ASIC2: variants seen among roughly 807,000 people sequenced by gnomAD.
ASIC2 encodes acid-sensing ion channel 2.
Under a neutral mutation model 57.3 loss-of-function variants are expected in ASIC2, and 25 were observed. The observed-to-expected ratio is 0.44, with a 90% CI of 0.32 to 0.61. The LOEUF (loss-of-function observed/expected upper bound fraction) is 0.61, where lower values mean the gene tolerates loss of function less well. Among genes scored for constraint, ASIC2 ranks in the 20% least tolerant of loss-of-function variants. ASIC2 has a pLI of 0.06. For synonymous variants in ASIC2, 319 were observed against 307.5 expected (o/e 1.04, Z -0.39); for missense variants, 641 against 738.1 (o/e 0.87, Z 1.52).
At chr17:33,389,282 G>T (rs935342363) in intron 1 of ASIC2, among the ~76,000 whole-genome samples, 2 of 152,124 alleles carry the variant, frequency 1.3e-5, no homozygotes, top group Non-Finnish European at 2.9e-5. Flanking sequence ...TTAACTGCAC[G>T]CAAACAGATG....
chr17:34,049,684 T>G (rs1212707438), intron 1 of ASIC2, among the ~76,000 whole-genome samples: 1 of 152,216 alleles, frequency 6.6e-6, no homozygotes, highest in Non-Finnish European at 1.5e-5. Context: ...CTGCATGATA[T>G]AAAACATGCA....
At chr17:33,306,533 C>T (rs1392678568) in intron 1 of ASIC2, among the ~76,000 whole-genome samples, 1 of 152,118 alleles carries the variant, frequency 6.6e-6, no homozygotes, top group African/African-American at 2.4e-5. Flanking sequence ...TTGGACTTAT[C>T]CTCAACTAAG....
intron 1 of ASIC2, among the ~76,000 whole-genome samples, chr17:33,120,881 A>G (rs2092299762): frequency 6.6e-6 from 1 of 152,112 alleles, no homozygotes; most frequent in African/African-American, 2.4e-5. Context: ...GTTTGGGTGA[A>G]GGAAAAAAAG....
chr17:34,099,820 T>C (rs1910794192), intron 1 of ASIC2, among the ~76,000 whole-genome samples: 1 of 151,704 alleles, frequency 6.6e-6, no homozygotes, highest in Non-Finnish European at 1.5e-5. Context: ...AATCTCATAG[T>C]ATTCCGAAGG....
At chr17:33,134,228 A>C (rs2092358861) in intron 1 of ASIC2, among the ~76,000 whole-genome samples, 1 of 152,250 alleles carries the variant, frequency 6.6e-6, no homozygotes, top group Admixed American at 6.5e-5. Flanking sequence ...CAAGCTCAGA[A>C]AGGTTAAGTC....
chr17:33,770,314 C>T (rs921771436), intron 1 of ASIC2, among the ~76,000 whole-genome samples: 2 of 152,184 alleles, frequency 1.3e-5, no homozygotes, highest in African/African-American at 2.4e-5. Flanking sequence ...CTCCCTGACC[C>T]CTAGTGTCTT....
chr17:34,099,309 GAA>G, intron 1 of ASIC2, among the ~76,000 whole-genome samples: 1 of 139,066 alleles, frequency 7.2e-6, no homozygotes, highest in African/African-American at 2.7e-5. Flanking sequence ...GAAAGAGAAA[GAA>G]AGAAAGGAAA....
At chr17:33,767,079 A>G (rs764138558) in intron 1 of ASIC2, among the ~76,000 whole-genome samples, 2 of 152,234 alleles carry the variant, frequency 1.3e-5, no homozygotes, top group Non-Finnish European at 2.9e-5. Context: ...GTAGCAGATC[A>G]GTGTGTGCGA....
intron 1 of ASIC2, among the ~76,000 whole-genome samples, chr17:33,979,317 A>G (rs2142003070): frequency 6.6e-6 from 1 of 152,188 alleles, no homozygotes; most frequent in African/African-American, 2.4e-5. Context: ...CATGCCTACC[A>G]CTGGGTCATA....
At chr17:34,087,886 T>C (rs944510734) in intron 1 of ASIC2, among the ~76,000 whole-genome samples, 2 of 152,232 alleles carry the variant, frequency 1.3e-5, no homozygotes, top group Non-Finnish European at 2.9e-5. Flanking sequence ...GGCTTTCAGC[T>C]CCATCAGCTC....
intron 1 of ASIC2, among the ~76,000 whole-genome samples, chr17:33,933,062 C>T (rs1597936622): frequency 6.6e-6 from 1 of 152,292 alleles, no homozygotes; most frequent in Admixed American, 6.5e-5. Context: ...ACAGGCTGGT[C>T]CATGTCCTCC....
intron 1 of ASIC2, among the ~76,000 whole-genome samples, chr17:34,026,916 T>C (rs1202373281): frequency 6.6e-6 from 1 of 152,232 alleles, no homozygotes; most frequent in Non-Finnish European, 1.5e-5. Flanking sequence ...CAGCAACTCC[T>C]TTCTTTCTAT....
At chr17:33,300,060 T>C (rs1362729783) in intron 1 of ASIC2, among the ~76,000 whole-genome samples, 2 of 152,102 alleles carry the variant, frequency 1.3e-5, no homozygotes, top group Non-Finnish European at 2.9e-5. Context: ...GGTAACATAT[T>C]CACATGTTTC....
intron 1 of ASIC2, among the ~76,000 whole-genome samples, chr17:33,186,308 AC>A: frequency 6.6e-6 from 1 of 152,052 alleles, no homozygotes; most frequent in Non-Finnish European, 1.5e-5. Flanking sequence ...ATGGGGTTTC[AC>A]CATGTTGTCC....
chr17:33,959,943 T>C (rs767316744), intron 1 of ASIC2, among the ~76,000 whole-genome samples: 5 of 152,210 alleles, frequency 3.3e-5, no homozygotes, highest in African/African-American at 4.8e-5. Context: ...GAGCCCAATG[T>C]CTCCTTTTTG....
At chr17:33,118,589 A>G (rs988306987) in intron 1 of ASIC2, among the ~76,000 whole-genome samples, 26 of 152,108 alleles carry the variant, frequency 1.7e-4, no homozygotes, top group African/African-American at 6.3e-4. Flanking sequence ...CCCACCTGGT[A>G]GTGGGGGAGG....
chr17:33,569,726 A>G (rs948349945), intron 1 of ASIC2, among the ~76,000 whole-genome samples: 4 of 152,116 alleles, frequency 2.6e-5, no homozygotes, highest in Non-Finnish European at 5.9e-5. Context: ...TCATCCATCC[A>G]TCTATCCATC....
chr17:33,459,240 A>T lies in ASIC2; in HGVS notation c.556-347173T>A, dbSNP rs145256590. Among the ~76,000 whole-genome samples, 740 of 152,030 alleles carry T rather than the reference A, an allele frequency of 4.9e-3. 4 individuals are homozygous for T. Among genetic ancestry groups the T allele is most frequent in the Admixed American group, 7.5e-3 (114 of 15,272 alleles). The stretch of plus-strand genomic sequence containing the variant: ...GTGATTCATCACCTGCTACCTGTCC[A>T]CGACGGGGTCGGTCTGTGCTCTTGC... On this transcript the variant is annotated intron_variant, in intron 1 of 9. Coordinates refer to the ASIC2 transcript ENST00000359872.
chr17:33,830,429 GT>G lies in ASIC2; in HGVS notation c.555+325548del, dbSNP rs371989892. Among the ~76,000 whole-genome samples, 1,083 of 152,194 alleles carry G rather than the reference GT, an allele frequency of 7.1e-3. 13 individuals carry two copies. The highest frequency in any genetic ancestry group is 0.025 in the African/African-American group (1,043 of 41,510). On this transcript the variant is annotated intron_variant, in intron 1 of 9. Transcript: ENST00000359872. ...TAGCGGGATGGGGAGATCAGTCCCA[GT>G]TGGGCCTGAAAACAACTTGTGGTCA...
Sources: gnomAD v4.1 joint callset for allele counts (sites outside exome capture counted in the v4.1 genomes callset) on GRCh38, gnomAD v4.1.1 for gene constraint, MANE v1.5 for transcripts, NCBI Gene and HGNC (gene_info 2026-07-23, HGNC 2026-07-21) for gene names.